The following BARX2 variants were observed in gnomAD, a reference collection of about 807,000 sequenced individuals.
BARX2 encodes the protein homeobox protein BarH-like 2.
In BARX2, 11 loss-of-function variants were observed where a neutral mutation model predicts 25.5. The observed-to-expected ratio is 0.43, with a 90% CI of 0.27 to 0.71. The LOEUF (loss-of-function observed/expected upper bound fraction) is 0.71, where lower values mean the gene tolerates loss of function less well. Ranked by LOEUF, BARX2 falls within the 30% of genes least tolerant of loss-of-function variation. BARX2 has a pLI of 0.19. For synonymous variants in BARX2, 137 were observed against 149.5 expected (o/e 0.92, Z 0.61); for missense variants, 360 against 359.9 (o/e 1.00, Z 0.00).
intron 2 of BARX2, among the ~76,000 whole-genome samples, chr11:129,441,339 C>T (rs547508096): frequency 1.1e-4 from 16 of 152,248 alleles, no homozygotes; most frequent in African/African-American, 3.6e-4. Context: ...TGCCAGAGGT[C>T]GGTAAAGGTT....
intron 2 of BARX2, 182 bp from the exon 3 acceptor site, chr11:129,442,653 G>T: frequency 1.5e-6 from 1 of 659,580 alleles, no homozygotes. Context: ...CAGCTTCCCA[G>T]AGTTTCCTCT....
At chr11:129,391,683 G>A (rs1040456140) in intron 1 of BARX2, among the ~76,000 whole-genome samples, 11 of 152,168 alleles carry the variant, frequency 7.2e-5, no homozygotes, top group African/African-American at 2.2e-4. Flanking sequence ...ATCAGGCTCT[G>A]GGCTTTAAGG....
intron 1 of BARX2, among the ~76,000 whole-genome samples, chr11:129,421,822 TCTA>T (rs1862007236): frequency 6.6e-6 from 1 of 152,212 alleles, no homozygotes; most frequent in Admixed American, 6.5e-5. Context: ...CTCTATTTTC[TCTA>T]CTCCTCAGGT....
chr11:129,412,626 A>G (rs897078609), intron 1 of BARX2, among the ~76,000 whole-genome samples: 5 of 152,194 alleles, frequency 3.3e-5, no homozygotes, highest in Admixed American at 3.3e-4. Flanking sequence ...AATTTCTAGG[A>G]AGAGGGCGGT....
intron 1 of BARX2, among the ~76,000 whole-genome samples, chr11:129,419,973 G>T (rs114060344): frequency 0.011 from 1,605 of 151,924 alleles, 27 homozygotes; most frequent in African/African-American, 0.036. Context: ...TAGAAATGAG[G>T]TCTCACCATG....
intron 1 of BARX2, among the ~76,000 whole-genome samples, chr11:129,434,420 G>GAA (rs1862164783): frequency 6.9e-5 from 1 of 14,534 alleles, no homozygotes; most frequent in Non-Finnish European, 1.2e-4. Context: ...AAAAAAGTAA[G>GAA]TAAAAAAAAA....
chr11:129,415,486 A>C (rs549833344), intron 1 of BARX2, among the ~76,000 whole-genome samples: 172 of 152,330 alleles, frequency 1.1e-3, no homozygotes, highest in Non-Finnish European at 1.6e-3. Flanking sequence ...ATAAGCAATA[A>C]GAATGGTTCT....
rs760383221 is a variant in BARX2, at chr11:129,436,816, C to T, written c.253C>T (p.His85Tyr). ...CACCCGCCAGCCCACTGTCATCTCC[C>T]ACCTGGTCCCTGCCACCCCGGGAAT... is the stretch of plus-strand genomic sequence containing the variant. ...VITRQPTVIS[H>Y]LVPATPGIAQ... Residue 85 changes from histidine to tyrosine, a missense_variant, in exon 2 of 4, where the codon CAC becomes TAC. His to Tyr is a moderately conservative substitution (Grantham distance 83). This residue lies in a region of BARX2 where 240 missense variants were observed against 228.7 expected (regional missense o/e 1.05). Transcript: ENST00000281437. This position sits in a 1 kb window ranked among gnomAD's most constrained non-coding sequence, Gnocchi z 4.5. 3.0e-5 allele frequency: 48 copies of T among 1,613,624 alleles called. No individual in the cohort carries two copies. Among genetic ancestry groups the T allele is most frequent in the Non-Finnish European group, 4.0e-5 (47 of 1,179,864 alleles).
intron 1 of BARX2, among the ~76,000 whole-genome samples, chr11:129,388,535 C>A (rs1861637786): frequency 6.6e-6 from 1 of 152,208 alleles, no homozygotes; most frequent in African/African-American, 2.4e-5. Context: ...AAGTGCTGAA[C>A]AACTAAAGCC....
chr11:129,438,663 G>C (rs1364892996), intron 2 of BARX2, among the ~76,000 whole-genome samples: 1 of 152,226 alleles, frequency 6.6e-6, no homozygotes, highest in Admixed American at 6.5e-5. Flanking sequence ...AGGGCCTTCT[G>C]GGTGCCACTG....
rs149026575 is a variant in BARX2 at position 129,439,023 on chromosome 11, G to A, written c.488+1972G>A. Among the ~76,000 whole-genome samples, 124 of 152,302 alleles carry A rather than the reference G, an allele frequency of 8.1e-4. 1 individual carries two copies. In the Middle Eastern group the frequency reaches 0.01, roughly 13 times the overall value. ...CATCTCCAGCTTAAGGTGTGAACAG[G>A]CAAATGGTGGACCTCGTATGCCTGG... On this transcript the variant is annotated intron_variant, in intron 2 of 3. Transcript: ENST00000281437.
chr11:129,392,592 T>C (rs1359016824), intron 1 of BARX2, among the ~76,000 whole-genome samples: 1 of 152,172 alleles, frequency 6.6e-6, no homozygotes, highest in African/African-American at 2.4e-5. Context: ...AATGCTCTTA[T>C]ATGAATTAAC....
intron 1 of BARX2, among the ~76,000 whole-genome samples, chr11:129,408,676 G>A (rs1366301685): frequency 6.6e-6 from 1 of 152,058 alleles, no homozygotes; most frequent in African/African-American, 2.4e-5. Flanking sequence ...AGACTATCTC[G>A]GCCTCCCCAC....
At chr11:129,396,169 G>A (rs1445974953) in intron 1 of BARX2, among the ~76,000 whole-genome samples, 2 of 152,064 alleles carry the variant, frequency 1.3e-5, no homozygotes, top group Admixed American at 1.3e-4. Context: ...CCTTCATCTT[G>A]GGGCCCCTCA....
At chr11:129,439,201 G>A (rs1300846357) in intron 2 of BARX2, among the ~76,000 whole-genome samples, 2 of 152,166 alleles carry the variant, frequency 1.3e-5, no homozygotes, top group Non-Finnish European at 2.9e-5. Flanking sequence ...AGTTAGGAGA[G>A]AATCCAGTGA....
At chr11:129,420,960 A>G (rs1206236615) in intron 1 of BARX2, among the ~76,000 whole-genome samples, 2 of 152,186 alleles carry the variant, frequency 1.3e-5, no homozygotes, top group African/African-American at 4.8e-5. Flanking sequence ...TCCCTCATTT[A>G]CGGATGAGGA....
chr11:129,386,953 G>A (rs578213162), intron 1 of BARX2, among the ~76,000 whole-genome samples: 1 of 152,334 alleles, frequency 6.6e-6, no homozygotes, highest in South Asian at 2.1e-4. Context: ...CACAGGATCT[G>A]TGGCCAGGGT....
intron 1 of BARX2, among the ~76,000 whole-genome samples, chr11:129,403,604 TG>T (rs1789569366): frequency 6.6e-6 from 1 of 152,242 alleles, no homozygotes; most frequent in African/African-American, 2.4e-5. Flanking sequence ...AGATTTTATG[TG>T]GAATTTCCAG....
intron 1 of BARX2, among the ~76,000 whole-genome samples, chr11:129,383,359 G>A (rs919676736): frequency 6.6e-6 from 1 of 152,154 alleles, no homozygotes; most frequent in African/African-American, 2.4e-5. Flanking sequence ...AAGGAGGAAA[G>A]CCATGCACCT....
Sources: gnomAD v4.1 joint callset for allele counts (sites outside exome capture counted in the v4.1 genomes callset) on GRCh38, gnomAD v4.1.1 for gene constraint, gnomAD v4.1.1 regional missense constraint, Gnocchi (gnomAD v3.1) non-coding constraint, MANE v1.5 for transcripts, NCBI Gene and HGNC (gene_info 2026-07-23, HGNC 2026-07-21) for gene names.